EDIL3: variants seen among roughly 807,000 people sequenced by gnomAD.
EDIL3 encodes EGF like and discoidin domains 3.
In EDIL3, 37 loss-of-function variants were observed where a neutral mutation model predicts 67.4. The observed-to-expected ratio is 0.55, with a 90% CI of 0.42 to 0.72. The LOEUF (loss-of-function observed/expected upper bound fraction) is 0.72. Ranked by LOEUF, EDIL3 falls within the 30% of genes least tolerant of loss-of-function variation. The pLI is 0.00. For missense variants in EDIL3, 527 were observed against 586.3 expected, an observed-to-expected ratio of 0.90 and a Z score of 1.04; for synonymous variants, 195 against 196.3, an observed-to-expected ratio of 0.99 and a Z score of 0.05.
intron 10 of EDIL3, among the ~76,000 whole-genome samples, chr5:83,960,926 C>G (rs1214105381): frequency 6.6e-6 from 1 of 150,888 alleles, no homozygotes; most frequent in Admixed American, 6.6e-5. Context: ...CAGAGATAGA[C>G]TGGACAAAAG....
chr5:84,155,885 T>C (rs1167369619), intron 4 of EDIL3, among the ~76,000 whole-genome samples: 1 of 152,218 alleles, frequency 6.6e-6, no homozygotes. Flanking sequence ...TGCAGTTTAC[T>C]TCAAATGTCT....
intron 3 of EDIL3, among the ~76,000 whole-genome samples, chr5:84,223,154 A>G (rs1744380236): frequency 6.6e-6 from 1 of 151,736 alleles, no homozygotes; most frequent in Admixed American, 6.6e-5. Flanking sequence ...TATATGTTAT[A>G]TAAGACAAGG....
intron 1 of EDIL3, among the ~76,000 whole-genome samples, chr5:84,374,580 C>T (rs753353924): frequency 6.6e-6 from 1 of 152,080 alleles, no homozygotes; most frequent in Non-Finnish European, 1.5e-5. Flanking sequence ...AAGAAAATGA[C>T]GAGGATGAGC....
At chr5:84,312,958 TA>T (rs990845746) in intron 1 of EDIL3, among the ~76,000 whole-genome samples, 3 of 152,316 alleles carry the variant, frequency 2.0e-5, no homozygotes, top group Non-Finnish European at 4.4e-5. Flanking sequence ...TGAATAAATA[TA>T]TTTTTAAATG....
At chr5:84,000,024 T>G (rs1379948116) in intron 9 of EDIL3, among the ~76,000 whole-genome samples, 1 of 151,926 alleles carries the variant, frequency 6.6e-6, no homozygotes, top group Non-Finnish European at 1.5e-5. Flanking sequence ...AAAAAAACTT[T>G]TATTCTAGAA....
At chr5:84,228,328 A>G (rs1259409010) in intron 3 of EDIL3, among the ~76,000 whole-genome samples, 1 of 152,236 alleles carries the variant, frequency 6.6e-6, no homozygotes, top group East Asian at 1.9e-4. Context: ...GGTTGTCTGT[A>G]TAGAAAAAAT....
At chr5:84,301,979 CTT>C (rs1746172837) in intron 1 of EDIL3, among the ~76,000 whole-genome samples, 1 of 152,064 alleles carries the variant, frequency 6.6e-6, no homozygotes. Context: ...CTTGTGCTGA[CTT>C]TAAATTGTTG....
intron 6 of EDIL3, among the ~76,000 whole-genome samples, chr5:84,087,772 T>C (rs1025745972): frequency 6.6e-6 from 1 of 152,138 alleles, no homozygotes; most frequent in Non-Finnish European, 1.5e-5. Flanking sequence ...TGAAAATATA[T>C]ATTAGAATGG....
At chr5:84,292,736 G>A (rs938758325) in intron 1 of EDIL3, among the ~76,000 whole-genome samples, 1 of 152,034 alleles carries the variant, frequency 6.6e-6, no homozygotes, top group Admixed American at 6.6e-5. Context: ...TGGGTATATT[G>A]AATAAGCCCA....
At chr5:84,072,927 T>C (rs755672288) in intron 6 of EDIL3, among the ~76,000 whole-genome samples, 2 of 152,046 alleles carry the variant, frequency 1.3e-5, no homozygotes, top group Non-Finnish European at 1.5e-5. Flanking sequence ...GGACAGTGTA[T>C]TGCATACTCC....
intron 1 of EDIL3, among the ~76,000 whole-genome samples, chr5:84,264,790 CAGTT>C (rs1044537398): frequency 1.3e-5 from 2 of 152,082 alleles, no homozygotes; most frequent in African/African-American, 4.8e-5. Flanking sequence ...ATGATGGCAA[CAGTT>C]AGTCCATCAA....
At chr5:84,096,173 T>C (rs1450152620) in intron 6 of EDIL3, among the ~76,000 whole-genome samples, 1 of 151,614 alleles carries the variant, frequency 6.6e-6, no homozygotes, top group Non-Finnish European at 1.5e-5. Context: ...CCACACAGAG[T>C]CCCCACTGGG....
At chr5:84,111,788 G>T (rs1327110939) in intron 5 of EDIL3, among the ~76,000 whole-genome samples, 1 of 152,140 alleles carries the variant, frequency 6.6e-6, no homozygotes, top group Non-Finnish European at 1.5e-5. Context: ...TACAGTACTG[G>T]TTTCCTCAAG....
At chr5:84,125,870 G>A (rs1459775262) in intron 5 of EDIL3, among the ~76,000 whole-genome samples, 2 of 151,986 alleles carry the variant, frequency 1.3e-5, no homozygotes, top group Admixed American at 6.6e-5. Flanking sequence ...AGGTTCGGTT[G>A]AATATGCTCA....
intron 10 of EDIL3, among the ~76,000 whole-genome samples, chr5:83,957,560 G>T (rs1744535973): frequency 6.6e-6 from 1 of 151,632 alleles, no homozygotes; most frequent in African/African-American, 2.4e-5. Flanking sequence ...ATCCTTCAAT[G>T]CAGACCATGG....
chr5:84,348,337 A>G (rs1433670518), intron 1 of EDIL3, among the ~76,000 whole-genome samples: 1 of 152,066 alleles, frequency 6.6e-6, no homozygotes, highest in African/African-American at 2.4e-5. Context: ...ATGGTATGGG[A>G]GCTGGGCATT....
At position 84,180,374 on chromosome 5, in the gene EDIL3, A is replaced by G. The variant is rs745798417; in HGVS notation, c.355+19T>C. ...TGTAATCAATAATAATAAAAGTACAATGACTATGAATAACTTACTGTGCTG... is the reference window on the plus strand; with the variant it reads ...TGTAATCAATAATAATAAAAGTACAGTGACTATGAATAACTTACTGTGCTG... On this transcript the variant is annotated intron_variant, in intron 4 of 10. Coordinates refer to ENST00000296591, the MANE Select transcript of EDIL3 (RefSeq NM_005711.5). The G allele has an allele frequency of 6.4e-7, 1 of 1,568,624 alleles. No homozygotes were observed. Among genetic ancestry groups the G allele is most frequent in the Non-Finnish European group, 8.6e-7 (1 of 1,161,416 alleles).
At chr5:84,080,223 G>A (rs994239178) in intron 6 of EDIL3, among the ~76,000 whole-genome samples, 38 of 139,100 alleles carry the variant, frequency 2.7e-4, no homozygotes, top group Non-Finnish European at 3.6e-4. Flanking sequence ...GTGAACCTGG[G>A]AGGCGGAGCT....
intron 1 of EDIL3, among the ~76,000 whole-genome samples, chr5:84,371,693 C>A (rs1330101453): frequency 2.0e-5 from 3 of 150,964 alleles, no homozygotes; most frequent in Non-Finnish European, 3.0e-5. Context: ...AAGCATATCT[C>A]ATATAATAGA....
Sources: gnomAD v4.1 joint callset for allele counts (sites outside exome capture counted in the v4.1 genomes callset) on GRCh38, gnomAD v4.1.1 for gene constraint, MANE v1.5 for transcripts, NCBI Gene and HGNC (gene_info 2026-07-23, HGNC 2026-07-21) for gene names.